Variants in KCNJ6 observed in about 807,000 individuals in gnomAD.
KCNJ6 encodes G protein-activated inward rectifier potassium channel 2.
Under a neutral mutation model 34.2 loss-of-function variants are expected in KCNJ6, and 9 were observed. That is an observed-to-expected ratio of 0.26 (90% CI 0.16 to 0.46). The LOEUF (loss-of-function observed/expected upper bound fraction) is 0.46. Among genes scored for constraint, KCNJ6 ranks in the 20% least tolerant of loss-of-function variants. KCNJ6 has a pLI of 1.00. For synonymous variants in KCNJ6, 196 were observed against 207.1 expected, an observed-to-expected ratio of 0.95 and a Z score of 0.46; for missense variants, 236 against 531.3, an observed-to-expected ratio of 0.44 and a Z score of 5.46.
intron 2 of KCNJ6, among the ~76,000 whole-genome samples, chr21:37,794,797 T>G (rs773783217): frequency 1.3e-5 from 2 of 151,736 alleles, no homozygotes; most frequent in Non-Finnish European, 2.9e-5. Flanking sequence ...AAAACCTAGA[T>G]GATGGGTTGA....
intron 3 of KCNJ6, among the ~76,000 whole-genome samples, chr21:37,668,629 G>A (rs941609622): frequency 3.9e-5 from 6 of 152,140 alleles, no homozygotes; most frequent in South Asian, 2.1e-4. Flanking sequence ...AGCAGCATCC[G>A]GAGGCCTGTG....
chr21:37,748,687 C>T (rs896272309), intron 2 of KCNJ6, among the ~76,000 whole-genome samples: 1 of 152,224 alleles, frequency 6.6e-6, no homozygotes, highest in African/African-American at 2.4e-5. Context: ...AAATTCCCAA[C>T]AGGCTTTGTG....
chr21:37,740,789 G>A (rs1356946305), intron 2 of KCNJ6, among the ~76,000 whole-genome samples: 1 of 152,210 alleles, frequency 6.6e-6, no homozygotes, highest in African/African-American at 2.4e-5. Flanking sequence ...AGCATGATTT[G>A]GCTTTGGTTT....
At chr21:37,901,489 C>T (rs867468540) in intron 1 of KCNJ6, among the ~76,000 whole-genome samples, 1 of 152,186 alleles carries the variant, frequency 6.6e-6, no homozygotes, top group Non-Finnish European at 1.5e-5. Flanking sequence ...CATGTTCAAA[C>T]TCATCTGTAA....
intron 2 of KCNJ6, among the ~76,000 whole-genome samples, chr21:37,750,776 G>A (rs1384494152): frequency 2.0e-5 from 3 of 152,196 alleles, no homozygotes; most frequent in African/African-American, 7.2e-5. Context: ...AATACCTAAT[G>A]TAGATGACGG....
intron 1 of KCNJ6, among the ~76,000 whole-genome samples, chr21:37,868,558 C>G (rs1402811511): frequency 6.6e-6 from 1 of 152,154 alleles, no homozygotes. Flanking sequence ...AGAAACATCT[C>G]TCTGGGATTT....
At chr21:37,872,782 T>A (rs992197976) in intron 1 of KCNJ6, among the ~76,000 whole-genome samples, 1 of 152,166 alleles carries the variant, frequency 6.6e-6, no homozygotes, top group Admixed American at 6.5e-5. Context: ...AATCCTCACA[T>A]GTCATGGGAG....
intron 2 of KCNJ6, among the ~76,000 whole-genome samples, chr21:37,755,762 C>T (rs73408762): frequency 1.3e-5 from 2 of 152,136 alleles, no homozygotes; most frequent in Admixed American, 6.5e-5. Context: ...GGCCAGCCTC[C>T]GGGTGAGAAG....
chr21:37,759,170 C>T (rs1005395084), intron 2 of KCNJ6, among the ~76,000 whole-genome samples: 3 of 152,144 alleles, frequency 2.0e-5, no homozygotes, highest in Admixed American at 6.5e-5. Context: ...GTGGCAGGGG[C>T]GGTCCTGGCT....
intron 2 of KCNJ6, among the ~76,000 whole-genome samples, chr21:37,750,827 A>C (rs1314777913): frequency 1.3e-5 from 2 of 152,184 alleles, no homozygotes; most frequent in Non-Finnish European, 2.9e-5. Flanking sequence ...ATGTATACCT[A>C]TGTAACAAAC....
intron 3 of KCNJ6, among the ~76,000 whole-genome samples, chr21:37,687,436 G>A (rs1005096136): frequency 1.3e-5 from 2 of 152,104 alleles, no homozygotes; most frequent in Non-Finnish European, 1.5e-5. Flanking sequence ...TCATGTCTCC[G>A]TGCCATCTTG....
At chr21:37,742,502 G>C (rs1360552781) in intron 2 of KCNJ6, among the ~76,000 whole-genome samples, 1 of 52,588 alleles carries the variant, frequency 1.9e-5, no homozygotes, top group East Asian at 6.0e-4. Context: ...AATTAACCCA[G>C]AAAAATATTA....
intron 1 of KCNJ6, among the ~76,000 whole-genome samples, chr21:37,847,772 A>G (rs887495021): frequency 6.3e-5 from 9 of 142,426 alleles, no homozygotes; most frequent in African/African-American, 2.3e-4. Flanking sequence ...GAGAGAGAGG[A>G]GAGAAGGGAG....
chr21:37,872,437 G>A (rs973117550), intron 1 of KCNJ6, among the ~76,000 whole-genome samples: 6 of 152,196 alleles, frequency 3.9e-5, no homozygotes, highest in African/African-American at 1.2e-4. Context: ...AGGGAATGGG[G>A]CACCTTGGCC....
chr21:37,632,732 TA>T (rs2054339545), intron 3 of KCNJ6, among the ~76,000 whole-genome samples: 1 of 152,036 alleles, frequency 6.6e-6, no homozygotes, highest in Non-Finnish European at 1.5e-5. Flanking sequence ...TATAATAACT[TA>T]AAAATATAGA....
At chr21:37,863,763 T>C (rs557487128) in intron 1 of KCNJ6, among the ~76,000 whole-genome samples, 2 of 150,418 alleles carry the variant, frequency 1.3e-5, no homozygotes, top group East Asian at 3.9e-4. Flanking sequence ...CTGCTGTAAC[T>C]CTTGTAAGAA....
intron 1 of KCNJ6, among the ~76,000 whole-genome samples, chr21:37,856,821 G>A (rs1430484682): frequency 2.0e-5 from 3 of 152,156 alleles, no homozygotes; most frequent in African/African-American, 7.2e-5. Flanking sequence ...CAGAACAATG[G>A]CCTCTGACCT....
intron 3 of KCNJ6, among the ~76,000 whole-genome samples, chr21:37,674,320 A>C (rs1389570839): frequency 6.6e-6 from 1 of 152,186 alleles, no homozygotes; most frequent in Non-Finnish European, 1.5e-5. Context: ...AGTCCCAAGC[A>C]AATGAGGACA....
chr21:37,887,533 A>G (rs1222498874), intron 1 of KCNJ6, among the ~76,000 whole-genome samples: 1 of 152,204 alleles, frequency 6.6e-6, no homozygotes, highest in East Asian at 1.9e-4. Flanking sequence ...AAAGCCAGAA[A>G]TAACAGCTGT....
Sources: gnomAD v4.1 joint callset for allele counts (sites outside exome capture counted in the v4.1 genomes callset) on GRCh38, gnomAD v4.1.1 for gene constraint, MANE v1.5 for transcripts, NCBI Gene and HGNC (gene_info 2026-07-23, HGNC 2026-07-21) for gene names.